Variants in RIPOR2 observed in about 807,000 individuals in gnomAD.
The protein encoded by RIPOR2 is rho family-interacting cell polarization regulator 2.
In RIPOR2, 39 loss-of-function variants were observed where a neutral mutation model predicts 114.5. The observed-to-expected ratio is 0.34, with a 90% confidence interval of 0.26 to 0.44. RIPOR2 has a LOEUF of 0.44. RIPOR2 is among the 20% of genes least tolerant of loss of function. The pLI is 1.00. For missense variants in RIPOR2, 1,007 were observed against 1,255.1 expected (o/e 0.80, Z 2.99); for synonymous variants, 445 against 484.4 (o/e 0.92, Z 1.07).
chr6:25,024,504 G>A (rs1271009316), intron 1 of RIPOR2: 50 of 745,912 alleles, frequency 6.7e-5, no homozygotes, highest in South Asian at 1.9e-4. Context: ...GATTGGAGGC[G>A]CGAGTTCCCA....
At chr6:24,878,543 C>T (rs149664435) in intron 1 of RIPOR2, among the ~76,000 whole-genome samples, 2 of 152,252 alleles carry the variant, frequency 1.3e-5, no homozygotes, top group East Asian at 1.9e-4. Context: ...ATATCATTAT[C>T]TCATACCTCT....
At chr6:24,928,997 G>A (rs1377642025) in intron 1 of RIPOR2, among the ~76,000 whole-genome samples, 3 of 151,924 alleles carry the variant, frequency 2.0e-5, no homozygotes, top group East Asian at 1.9e-4. Flanking sequence ...TATCTTCTGC[G>A]TGAAGCATTT....
Position 24,850,621 on chromosome 6 carries a change from C to T in RIPOR2, c.861G>A (p.Leu287=), listed in dbSNP as rs975134014. 2 of 1,613,842 alleles carry T rather than the reference C, an allele frequency of 1.2e-6. No individual in the cohort carries two copies. The highest frequency in any genetic ancestry group is 2.7e-5 in the African/African-American group (2 of 74,916). The change falls in exon 10 of 22, where the codon CTG becomes CTA. Residue 287 remains leucine, a synonymous_variant. Coordinates refer to ENST00000643898, the MANE Select transcript of RIPOR2 (RefSeq NM_001286445.3). ...WDGEETVFLP[L]IVGFISIKVT... is the part of the protein sequence containing the mutation. ...CCTTGATGGAGATGAACCCAACTATCAGGGGCAGAAAAACTGTTTCTTCTC... is the reference window on the plus strand; with the variant it reads ...CCTTGATGGAGATGAACCCAACTATTAGGGGCAGAAAAACTGTTTCTTCTC...
intron 1 of RIPOR2, among the ~76,000 whole-genome samples, chr6:24,991,330 T>C (rs1351689359): frequency 1.3e-5 from 2 of 152,232 alleles, no homozygotes; most frequent in Non-Finnish European, 2.9e-5. Context: ...CTTCTTGCTA[T>C]GTATTTTAAA....
intron 13 of RIPOR2, chr6:24,840,828 A>C: frequency 6.6e-7 from 1 of 1,511,834 alleles, no homozygotes; most frequent in African/African-American, 1.4e-5. Context: ...CTGATGCTTT[A>C]ATTCTGGCTG....
At chr6:24,833,364 G>C (rs1174151293) in intron 15 of RIPOR2, among the ~76,000 whole-genome samples, 1 of 152,070 alleles carries the variant, frequency 6.6e-6, no homozygotes, top group African/African-American at 2.4e-5. Flanking sequence ...AGCCAGGCGT[G>C]GTGGTGCAGG....
chr6:24,848,065 C>G lies in RIPOR2; in HGVS notation c.1124G>C (p.Gly375Ala), dbSNP rs1403198585. Reference protein sequence around the residue: ...LQRRMSMYSQGTPETPTFKDH... With the variant: ...LQRRMSMYSQATPETPTFKDH... ...TTTGAAGGTGGGCGTTTCCGGGGTA[C>G]CCTGGCTGTACATGGACATTCTCCT... The change falls in exon 12 of 22, where the codon GGT (glycine) becomes GCT (alanine). Residue 375 changes from glycine (G) to alanine (A), a missense_variant. Transcript: ENST00000643898. 7 of 1,613,954 alleles carry G rather than the reference C, an allele frequency of 4.3e-6. No individual in the cohort carries two copies. In the Admixed American group the frequency reaches 1.2e-4, roughly 27 times the overall value.
At chr6:24,811,669 TTTTTTTCTTTTTTTTTTTTTTA>T (rs1321631626) in intron 20 of RIPOR2, among the ~76,000 whole-genome samples, 1 of 4,384 alleles carries the variant, frequency 2.3e-4, no homozygotes, top group Middle Eastern at 0.17. Context: ...TTTTTTTTTT[TTTTTTTCTTTTTTTTTTTTTTA>T]ATTATACTCT....
intron 1 of RIPOR2, among the ~76,000 whole-genome samples, chr6:25,009,101 C>T (rs1314818864): frequency 1.3e-5 from 2 of 152,156 alleles, no homozygotes; most frequent in East Asian, 3.9e-4. Context: ...CTGGTGGCAT[C>T]CCACTGCTCT....
At chr6:24,809,659 C>T in intron 21 of RIPOR2, 58 bp downstream of exon 21, 2 of 1,152,632 alleles carry the variant, frequency 1.7e-6, no homozygotes, top group Non-Finnish European at 2.6e-6. Flanking sequence ...TAAATGGGAA[C>T]ATCCGTTAGA....
At chr6:24,927,159 C>CAGCACCACT (rs1561782495) in intron 1 of RIPOR2, among the ~76,000 whole-genome samples, 156 of 10,802 alleles carry the variant, frequency 0.014, 72 homozygotes, top group African/African-American at 0.03. Flanking sequence ...CCACCACCAC[C>CAGCACCACT]ACAACTACAA....
intron 1 of RIPOR2, among the ~76,000 whole-genome samples, chr6:24,991,855 C>A (rs1313917843): frequency 6.6e-6 from 1 of 152,184 alleles, no homozygotes; most frequent in African/African-American, 2.4e-5. Context: ...TTACTCCAGA[C>A]CTTCCGAGGG....
In RIPOR2 at chr6:24,832,285, T is replaced by C; in HGVS notation, c.2315A>G (p.Asn772Ser). 6.4e-7 allele frequency: 1 copy of C among 1,551,778 alleles called. No individual in the cohort carries two copies. Among genetic ancestry groups the C allele is most frequent in the Non-Finnish European group, 8.7e-7 (1 of 1,146,982 alleles). ...MEKLAAVSDE[N>S]IGNISSVVEA... ...CACAACAGAACTGATATTTCCTATG[T>C]TCTCATCACTGACAGCTGCGAGTTT... Residue 772 changes from asparagine (N) to serine (S), a missense_variant, in exon 16 of 22, where the codon AAC becomes AGC. Physicochemically the swap from Asn to Ser is conservative, Grantham distance 46. Transcript: ENST00000643898.
intron 11 of RIPOR2, 78 bp downstream of exon 11, chr6:24,849,724 G>A: frequency 7.9e-7 from 1 of 1,262,526 alleles, no homozygotes; most frequent in South Asian, 1.3e-5. Flanking sequence ...TGATGCGGAT[G>A]GTCCATGCAC....
At chr6:24,832,161 G>T in intron 16 of RIPOR2, 95 bp downstream of exon 16, 1 of 1,247,752 alleles carries the variant, frequency 8.0e-7, no homozygotes, top group South Asian at 1.5e-5. Context: ...ATGCTTTTCT[G>T]TTTTTCCAAC....
intron 8 of RIPOR2, among the ~76,000 whole-genome samples, chr6:24,860,224 G>A (rs188151258): frequency 6.6e-6 from 1 of 152,228 alleles, no homozygotes; most frequent in Non-Finnish European, 1.5e-5. Flanking sequence ...GAAACATGAG[G>A]AGCTAAAGGA....
At chr6:24,922,953 C>T (rs749036973) in intron 1 of RIPOR2, among the ~76,000 whole-genome samples, 1 of 149,482 alleles carries the variant, frequency 6.7e-6, no homozygotes, top group African/African-American at 2.5e-5. Context: ...GTGTAAAGTA[C>T]ATTCATACCG....
At chr6:24,879,275 G>C (rs1001325155) in intron 1 of RIPOR2, among the ~76,000 whole-genome samples, 2 of 152,220 alleles carry the variant, frequency 1.3e-5, no homozygotes, top group Admixed American at 6.5e-5. Context: ...GAACCTGGGA[G>C]GTGGCGGCTG....
At chr6:25,030,254 A>G (rs1776857806) in intron 1 of RIPOR2, among the ~76,000 whole-genome samples, 1 of 152,146 alleles carries the variant, frequency 6.6e-6, no homozygotes, top group South Asian at 2.1e-4. Flanking sequence ...TACATTCTGA[A>G]TCATAATCAT....
Sources: allele counts gnomAD v4.1 joint callset (sites outside exome capture counted in the v4.1 genomes callset), GRCh38; gene constraint gnomAD v4.1.1; transcripts MANE v1.5; gene names NCBI Gene and HGNC (gene_info 2026-07-23, HGNC 2026-07-21).